Variants in ARHGEF10 observed in about 807,000 individuals in gnomAD.
ARHGEF10 encodes Rho guanine nucleotide exchange factor 10, also known as Rho guanine nucleotide exchange factor (GEF) 10.
In ARHGEF10, 140 loss-of-function variants were observed where a neutral mutation model predicts 147.4. The ratio of observed to expected loss-of-function variants is 0.95; its 90% CI spans 0.83 to 1.09. The LOEUF (loss-of-function observed/expected upper bound fraction) is 1.09. ARHGEF10 is among the 50% of genes least tolerant of loss of function. The pLI, the probability that ARHGEF10 is intolerant of heterozygous loss-of-function variation, is 0.00. For synonymous variants in ARHGEF10, 902 were observed against 695.8 expected, an observed-to-expected ratio of 1.30 and a Z score of -4.67; for missense variants, 2,222 against 1,752.7, an observed-to-expected ratio of 1.27 and a Z score of -4.78.
chr8:1,864,082 T>C (rs1002229935), intron 4 of ARHGEF10, among the ~76,000 whole-genome samples: 5 of 152,064 alleles, frequency 3.3e-5, no homozygotes, highest in African/African-American at 1.2e-4. Context: ...ACATGTGGAG[T>C]GGGAGAGAAC....
In ARHGEF10 at chr8:1,885,562, T is replaced by C. The variant is rs372339520; in HGVS notation, c.1076-39T>C. 1.3e-5 allele frequency: 18 copies of C among 1,390,774 alleles called. No individual in the cohort carries two copies. The African/African-American group carries it at 2.1e-4, about 16-fold the overall frequency. The allele number at this position is 1,390,774 out of a possible 1,614,324, so 86.2% of individuals were successfully genotyped here. On this transcript the variant is annotated intron_variant, in intron 10 of 28. Transcript: ENST00000349830. ...TACTGTAGTGTTGTGAATATATTAT[T>C]TGAATGTAAAATTCATGCATTTTGA...
chr8:1,835,203 C>T (rs1220184415), intron 1 of ARHGEF10, among the ~76,000 whole-genome samples: 10 of 152,194 alleles, frequency 6.6e-5, no homozygotes, highest in African/African-American at 1.2e-4. Context: ...GATAGGAAAC[C>T]GACCAGGGGG....
rs368432324 is a variant in ARHGEF10, at chr8:1,882,759, T to C, written c.1075+10T>C. ...TCTCTCATCGCACAGGGTCCGTGCC[T>C]GCAGGTCTTCTTGCGGGGAGGACAC... On this transcript the variant is annotated intron_variant, in intron 10 of 28. Transcript: ENST00000349830. 10 of 1,331,782 alleles carry C rather than the reference T, an allele frequency of 7.5e-6. No individual in the cohort carries two copies. Among genetic ancestry groups the C allele is most frequent in the South Asian group, 1.2e-5 (1 of 81,080 alleles). The allele number at this position is 1,331,782 out of a possible 1,614,324, so 82.5% of individuals were successfully genotyped here.
intron 22 of ARHGEF10, among the ~76,000 whole-genome samples, chr8:1,925,894 A>T (rs1357249806): frequency 2.0e-5 from 3 of 152,150 alleles, no homozygotes; most frequent in Admixed American, 2.0e-4. Context: ...TGACACTGAC[A>T]ATGTCTTATT....
At chr8:1,871,365 A>G (rs1238062078) in intron 7 of ARHGEF10, among the ~76,000 whole-genome samples, 3 of 152,174 alleles carry the variant, frequency 2.0e-5, no homozygotes, top group Non-Finnish European at 4.4e-5. Flanking sequence ...AAAAAAATCA[A>G]TACAAACATT....
At chr8:1,836,390 C>G (rs1021573844) in intron 1 of ARHGEF10, among the ~76,000 whole-genome samples, 3 of 152,134 alleles carry the variant, frequency 2.0e-5, no homozygotes, top group Non-Finnish European at 2.9e-5. Context: ...TGCACCAGGG[C>G]AGGGAGAGTG....
intron 1 of ARHGEF10, among the ~76,000 whole-genome samples, chr8:1,835,746 G>A (rs376332200): frequency 9.2e-5 from 14 of 152,196 alleles, no homozygotes; most frequent in African/African-American, 2.7e-4. Flanking sequence ...GCTGAACAGC[G>A]TCAGGGAGCG....
chr8:1,861,858 A>C (rs1806161484), intron 4 of ARHGEF10, among the ~76,000 whole-genome samples: 2 of 152,214 alleles, frequency 1.3e-5, no homozygotes, highest in South Asian at 2.1e-4. Context: ...CTGAAGGAAA[A>C]TACGTTTGTT....
intron 27 of ARHGEF10, among the ~76,000 whole-genome samples, chr8:1,950,818 G>T (rs1428926412): frequency 1.4e-5 from 2 of 146,718 alleles, no homozygotes; most frequent in East Asian, 2.0e-4. Flanking sequence ...GGCCTCAGGG[G>T]ATCCACCCAC....
intron 2 of ARHGEF10, among the ~76,000 whole-genome samples, chr8:1,854,279 G>C (rs1164216403): frequency 6.6e-6 from 1 of 152,130 alleles, no homozygotes; most frequent in Non-Finnish European, 1.5e-5. Flanking sequence ...TTGGAGGTGG[G>C]GGTCAGAGGA....
intron 2 of ARHGEF10, among the ~76,000 whole-genome samples, chr8:1,854,327 G>T (rs545599585): frequency 3.3e-5 from 5 of 152,194 alleles, no homozygotes; most frequent in Non-Finnish European, 5.9e-5. Flanking sequence ...TCTGTCCTGG[G>T]CGCCCGCCGT....
rs1467855666 is a variant in ARHGEF10, at chr8:1,888,158, G to T, written c.1182+2451G>T. 6.4e-5 allele frequency among the ~76,000 whole-genome samples: 6 copies of T among 93,770 alleles called. 1 individual carries two copies. The highest frequency in any genetic ancestry group is 9.3e-5 in the African/African-American group (2 of 21,434). 61.5% of individuals were successfully genotyped at this position (93,770 alleles called of 152,430 possible). A position where few individuals can be genotyped will look rare whatever the true frequency, so the allele number is the denominator to read the frequency against. Reference sequence around the variant, plus strand: ...GCGAGGAGACACTTAGTGGGGCGAGGGTTGCGAGGAGACAGTGAGTGGGGT... The same window carrying T: ...GCGAGGAGACACTTAGTGGGGCGAGTGTTGCGAGGAGACAGTGAGTGGGGT... On this transcript the variant is annotated intron_variant, in intron 11 of 28. Transcript: ENST00000349830.
At position 1,896,381 on chromosome 8, in the gene ARHGEF10, T is replaced by G. The variant is rs763285889; in HGVS notation, c.1489T>G (p.Phe497Val). The change falls in exon 14 of 29, where the codon TTC becomes GTC. Residue 497 changes from phenylalanine to valine, a missense_variant. By Grantham distance (50) the Phe-to-Val change is conservative. Transcript: ENST00000349830. ...TGCATACAGTGAATATGTGAACAAT[T>G]TCAGCACAGCCGTGGCAGTCCTCAA... ...LDAYSEYVNN[F>V]STAVAVLKKT... 9.9e-6 allele frequency: 16 copies of G among 1,614,136 alleles called. No individual in the cohort carries two copies. The highest frequency in any genetic ancestry group is 1.4e-5 in the Non-Finnish European group (16 of 1,180,038).
Position 1,928,480 on chromosome 8 carries a change from T to G in ARHGEF10, c.2751T>G (p.Asn917Lys), listed in dbSNP as rs559347488. The change falls in exon 24 of 29, where the codon AAT (asparagine) becomes AAG (lysine). Residue 917 changes from asparagine (N) to lysine (K), a missense_variant. Physicochemically the swap from Asn to Lys is moderately conservative, Grantham distance 94 (BLOSUM62 0). Coordinates refer to ENST00000349830, the MANE Select transcript of ARHGEF10 (RefSeq NM_014629.4). ...AGATTGCCATCGTCTCGTTTCAAAA[T>G]TCCACTCCCAAAGTCATTGAGTGCT... is the stretch of plus-strand genomic sequence containing the variant. ...MGQIAIVSFQ[N>K]STPKVIECFN... is the part of the protein sequence containing the mutation. 6.3e-7 allele frequency: 1 copy of G among 1,589,394 alleles called. No individual in the cohort carries two copies. The highest frequency in any genetic ancestry group is 1.4e-5 in the African/African-American group (1 of 73,832).
intron 18 of ARHGEF10, among the ~76,000 whole-genome samples, chr8:1,916,748 G>T (rs529719309): frequency 2.0e-5 from 3 of 152,176 alleles, no homozygotes; most frequent in Non-Finnish European, 4.4e-5. Flanking sequence ...ACTTATATAT[G>T]ATGCTGTTTA....
At chr8:1,868,801 C>G (rs1806835460) in intron 6 of ARHGEF10, among the ~76,000 whole-genome samples, 2 of 152,096 alleles carry the variant, frequency 1.3e-5, no homozygotes, top group South Asian at 2.1e-4. Flanking sequence ...AGAACGTCAA[C>G]TTCATAAGCT....
chr8:1,943,727 CT>C (rs1585632257), intron 26 of ARHGEF10: 1 of 152,212 alleles, frequency 6.6e-6, no homozygotes, highest in Non-Finnish European at 1.5e-5. Context: ...GCACCAGTTC[CT>C]TCTCATTGAC....
chr8:1,824,492 C>T (rs1255480879), intron 1 of ARHGEF10, among the ~76,000 whole-genome samples: 2 of 151,890 alleles, frequency 1.3e-5, no homozygotes, highest in East Asian at 1.9e-4. Flanking sequence ...ATGCGGTCCG[C>T]CTCAGGATGC....
rs528155960 is a variant in ARHGEF10, at chr8:1,858,266, T to C, written c.193+151T>C. 7.9e-3 allele frequency: 3,903 copies of C among 494,702 alleles called. 14 individuals carry two copies. Among genetic ancestry groups the C allele is most frequent in the Non-Finnish European group, 9.8e-3 (2,927 of 299,118 alleles). The allele number at this position is 494,702 out of a possible 1,614,324, so 30.6% of individuals were successfully genotyped here. ...TCCCCAGGTGAGTCCCCTGGGGGGTTCCCAGGTGAGTCCGCAGATCACCGG... is the reference window on the plus strand; with the variant it reads ...TCCCCAGGTGAGTCCCCTGGGGGGTCCCCAGGTGAGTCCGCAGATCACCGG... On this transcript the variant is annotated intron_variant, in intron 3 of 28. Coordinates refer to ENST00000349830, the MANE Select transcript of ARHGEF10 (RefSeq NM_014629.4).
Sources: allele counts gnomAD v4.1 joint callset (sites outside exome capture counted in the v4.1 genomes callset), GRCh38; gene constraint gnomAD v4.1.1; transcripts MANE v1.5; gene names NCBI Gene and HGNC (gene_info 2026-07-23, HGNC 2026-07-21).